The following RALGPS1 variants were observed in gnomAD, a reference collection of about 807,000 sequenced individuals.
The protein encoded by RALGPS1 is Ral GEF with PH domain and SH3 binding motif 1.
A neutral mutation model predicts 78.8 loss-of-function variants in RALGPS1; 19 were observed. The ratio of observed to expected loss-of-function variants is 0.24; its 90% confidence interval spans 0.17 to 0.35. RALGPS1 has a LOEUF of 0.35. Among genes scored for constraint, RALGPS1 ranks in the 10% least tolerant of loss-of-function variants. RALGPS1 has a pLI of 1.00. For synonymous variants in RALGPS1, 228 were observed against 256.3 expected (o/e 0.89, Z 1.06); for missense variants, 454 against 688.3 (o/e 0.66, Z 3.81).
At chr9:126,995,341 C>T (rs1304786633) in intron 4 of RALGPS1, among the ~76,000 whole-genome samples, 2 of 151,962 alleles carry the variant, frequency 1.3e-5, no homozygotes, top group Non-Finnish European at 2.9e-5. Context: ...GGAAGATCTA[C>T]CAAGCAAATG....
intron 4 of RALGPS1, chr9:126,990,074 A>G: frequency 2.0e-6 from 3 of 1,515,612 alleles, no homozygotes; most frequent in Non-Finnish European, 2.7e-6. Flanking sequence ...GCCGAGGTCA[A>G]TGTTGGACGT....
chr9:127,168,674 TG>T lies in RALGPS1; in HGVS notation c.749-4del. ...AAGTTTCTGGATGTGGTCCACCTTT[TG>T]CAGATCACCTCACCACCCTGCCCCA... is the stretch of plus-strand genomic sequence containing the variant. On this transcript the variant is annotated splice_polypyrimidine_tract_variant and splice_region_variant and intron_variant, in intron 9 of 18. Transcript: ENST00000259351. 6.2e-7 allele frequency: 1 copy of T among 1,603,174 alleles called. No individual in the cohort carries two copies.
At position 127,195,150 on chromosome 9, in the gene RALGPS1, T is replaced by A; in HGVS notation, c.970T>A (p.Ser324Thr). 1 of 1,613,234 alleles carries A rather than the reference T, an allele frequency of 6.2e-7. No homozygotes were observed. The highest frequency in any genetic ancestry group is 1.3e-5 in the African/African-American group (1 of 74,990). Residue 324 changes from serine to threonine, a missense_variant, in exon 12 of 19, where the codon TCT (serine) becomes ACT (threonine). Physicochemically the swap from Ser to Thr is moderately conservative, Grantham distance 58. Transcript: ENST00000259351. Reference protein sequence around the residue: ...FSRRPTCPDTSVAGSLPTPPV... With the variant: ...FSRRPTCPDTTVAGSLPTPPV... ...CCGGAGGCCCACCTGTCCTGACACATCTGTTGCTGGCAGCCTCCCCACACC... is the reference window on the plus strand; with the variant it reads ...CCGGAGGCCCACCTGTCCTGACACAACTGTTGCTGGCAGCCTCCCCACACC...
At chr9:127,129,454 C>T (rs1039980741) in intron 8 of RALGPS1, among the ~76,000 whole-genome samples, 5 of 152,162 alleles carry the variant, frequency 3.3e-5, no homozygotes, top group East Asian at 1.9e-4. Context: ...GGGGGGATTC[C>T]AACCCCCTTA....
At chr9:126,967,565 C>G (rs1412300648) in intron 3 of RALGPS1, among the ~76,000 whole-genome samples, 2 of 151,924 alleles carry the variant, frequency 1.3e-5, no homozygotes, top group Non-Finnish European at 2.9e-5. Flanking sequence ...GAGACAGCAT[C>G]TCATTCCATC....
intron 5 of RALGPS1, among the ~76,000 whole-genome samples, chr9:127,043,400 C>CAA (rs34894330): frequency 2.9e-5 from 4 of 136,652 alleles, no homozygotes; most frequent in Admixed American, 7.3e-5. Flanking sequence ...TGTGTATATG[C>CAA]AAAAAAAAAA....
At chr9:127,192,274 G>T (rs755085653) in intron 11 of RALGPS1, among the ~76,000 whole-genome samples, 2 of 152,242 alleles carry the variant, frequency 1.3e-5, no homozygotes, top group Non-Finnish European at 2.9e-5. Flanking sequence ...AGGAGGGAAA[G>T]GGAGGAGAGA....
intron 11 of RALGPS1, among the ~76,000 whole-genome samples, chr9:127,180,030 A>G (rs2060118690): frequency 1.3e-5 from 2 of 152,236 alleles, no homozygotes; most frequent in Admixed American, 6.5e-5. Flanking sequence ...GAGAAAGGAA[A>G]TGGAGAAACC....
intron 4 of RALGPS1, among the ~76,000 whole-genome samples, chr9:126,995,050 C>A (rs2042611094): frequency 6.6e-6 from 1 of 152,200 alleles, no homozygotes; most frequent in Non-Finnish European, 1.5e-5. Flanking sequence ...TGGAAAGGAA[C>A]AACAAGTACC....
chr9:127,046,824 G>A (rs1033499166), intron 5 of RALGPS1, among the ~76,000 whole-genome samples: 3 of 152,066 alleles, frequency 2.0e-5, no homozygotes, highest in Admixed American at 6.5e-5. Context: ...ACAAGGACCT[G>A]TGCAGGCAGT....
At chr9:127,077,209 G>C (rs1292673207) in intron 8 of RALGPS1, among the ~76,000 whole-genome samples, 1 of 152,204 alleles carries the variant, frequency 6.6e-6, no homozygotes, top group Admixed American at 6.5e-5. Flanking sequence ...CTTTGAGGAG[G>C]TCAGGCTGGA....
chr9:126,977,133 T>C (rs1270223467), intron 3 of RALGPS1, among the ~76,000 whole-genome samples: 3 of 152,236 alleles, frequency 2.0e-5, no homozygotes, highest in African/African-American at 7.2e-5. Flanking sequence ...TCTCTCATTG[T>C]GGGCTGGTGG....
chr9:127,062,511 C>T (rs909252184), intron 7 of RALGPS1, among the ~76,000 whole-genome samples: 6 of 152,046 alleles, frequency 3.9e-5, no homozygotes, highest in Admixed American at 2.0e-4. Flanking sequence ...ATATTACAAC[C>T]GTATCAAAAG....
At chr9:126,939,366 T>G (rs1204435962) in intron 1 of RALGPS1, among the ~76,000 whole-genome samples, 1 of 152,238 alleles carries the variant, frequency 6.6e-6, no homozygotes, top group Admixed American at 6.5e-5. Flanking sequence ...TAGACTATGC[T>G]GGGCACTGTG....
intron 8 of RALGPS1, among the ~76,000 whole-genome samples, chr9:127,149,991 G>C (rs2058327306): frequency 6.6e-6 from 1 of 152,326 alleles, no homozygotes; most frequent in South Asian, 2.1e-4. Flanking sequence ...GGAAGGGAAG[G>C]CTGAAGCCAT....
At chr9:127,180,424 G>A (rs2140101455) in intron 11 of RALGPS1, among the ~76,000 whole-genome samples, 1 of 152,350 alleles carries the variant, frequency 6.6e-6, no homozygotes, top group South Asian at 2.1e-4. Context: ...AACCACCTCT[G>A]GAGTCAGGCA....
At chr9:127,000,250 CTCT>C (rs2043165957) in intron 4 of RALGPS1, among the ~76,000 whole-genome samples, 1 of 152,022 alleles carries the variant, frequency 6.6e-6, no homozygotes, top group South Asian at 2.1e-4. Context: ...GTTTAATTTG[CTCT>C]TCTTTTATAG....
At chr9:127,103,638 A>G (rs1045753514) in intron 8 of RALGPS1, among the ~76,000 whole-genome samples, 2 of 152,152 alleles carry the variant, frequency 1.3e-5, no homozygotes, top group African/African-American at 4.8e-5. Flanking sequence ...TGCTAGGCCT[A>G]GGGAGGGGGA....
chr9:126,944,618 A>G (rs1440531608), intron 1 of RALGPS1, among the ~76,000 whole-genome samples: 1 of 152,210 alleles, frequency 6.6e-6, no homozygotes, highest in Non-Finnish European at 1.5e-5. Flanking sequence ...ATGAGAATAT[A>G]GAATCCTTAA....
Sources: allele counts gnomAD v4.1 joint callset (sites outside exome capture counted in the v4.1 genomes callset), GRCh38; gene constraint gnomAD v4.1.1; transcripts MANE v1.5; gene names NCBI Gene and HGNC (gene_info 2026-07-23, HGNC 2026-07-21).